The following LDB2 variants were observed in gnomAD, a reference collection of about 807,000 sequenced individuals.
LDB2 encodes LIM domain-binding protein 2.
A neutral mutation model predicts 44.3 loss-of-function variants in LDB2; 12 were observed. The ratio of observed to expected loss-of-function variants is 0.27; its 90% CI spans 0.17 to 0.44. The LOEUF is 0.44. Among genes scored for constraint, LDB2 ranks in the 20% least tolerant of loss-of-function variants. The probability of loss-of-function intolerance (pLI) is 1.00; values close to 1 mark genes in which losing one functional copy is unlikely to be tolerated. For synonymous variants in LDB2, 164 were observed against 174.8 expected (o/e 0.94, Z 0.49); for missense variants, 344 against 473.5 (o/e 0.73, Z 2.54).
intron 1 of LDB2, among the ~76,000 whole-genome samples, chr4:16,827,101 C>CT (rs1489927350): frequency 6.6e-6 from 1 of 152,194 alleles, no homozygotes; most frequent in Admixed American, 6.5e-5. Context: ...TCCTGCCACA[C>CT]TTAAAGGAGT....
chr4:16,679,066 T>C (rs2152565870), intron 2 of LDB2, among the ~76,000 whole-genome samples: 1 of 152,352 alleles, frequency 6.6e-6, no homozygotes, highest in East Asian at 1.9e-4. Context: ...ACTGAGACTA[T>C]GTAAAATATG....
At chr4:16,672,160 T>C (rs1744946415) in intron 2 of LDB2, among the ~76,000 whole-genome samples, 1 of 152,196 alleles carries the variant, frequency 6.6e-6, no homozygotes, top group Non-Finnish European at 1.5e-5. Context: ...GGTATGACTG[T>C]CATCCCCATT....
chr4:16,783,837 T>C (rs1416926958), intron 1 of LDB2, among the ~76,000 whole-genome samples: 1 of 152,286 alleles, frequency 6.6e-6, no homozygotes, highest in African/African-American at 2.4e-5. Flanking sequence ...GGTTTCCTTT[T>C]CCCCCCTTTT....
chr4:16,573,272 C>T (rs891548132), intron 5 of LDB2, among the ~76,000 whole-genome samples: 2 of 152,128 alleles, frequency 1.3e-5, no homozygotes, highest in Non-Finnish European at 2.9e-5. Context: ...TTGGGGACAA[C>T]GGAGCTGGTT....
chr4:16,555,285 T>C (rs1560458659), intron 5 of LDB2, among the ~76,000 whole-genome samples: 2 of 152,172 alleles, frequency 1.3e-5, no homozygotes, highest in Non-Finnish European at 2.9e-5. Flanking sequence ...AAACCAAAAA[T>C]ACAAGTTTAT....
intron 2 of LDB2, among the ~76,000 whole-genome samples, chr4:16,681,841 G>A (rs1748026840): frequency 6.6e-6 from 1 of 151,912 alleles, no homozygotes; most frequent in African/African-American, 2.4e-5. Flanking sequence ...AAAGTGCTGG[G>A]ATTACAGGCG....
chr4:16,825,054 T>C (rs1326431257), intron 1 of LDB2, among the ~76,000 whole-genome samples: 1 of 152,154 alleles, frequency 6.6e-6, no homozygotes, highest in Admixed American at 6.5e-5. Context: ...AGATACTGCC[T>C]AGGAAATCTG....
rs1175280200 is a variant in LDB2, at chr4:16,533,333, A to G, written c.616-21229T>C. ...ATCCCACTTCTAAAGTTAAAAAACC[A>G]TTCATGTCTGCAAAAATGGAAATAA... On this transcript the variant is annotated intron_variant, in intron 5 of 7. Coordinates refer to ENST00000304523, the MANE Select transcript of LDB2 (RefSeq NM_001290.5). The surrounding 1 kb of genome is among the most constrained non-coding windows in gnomAD (Gnocchi z 4.1). Among the ~76,000 whole-genome samples, 1 of 152,196 alleles carries G rather than the reference A, an allele frequency of 6.6e-6. No individual in the cohort carries two copies. Among genetic ancestry groups the G allele is most frequent in the Non-Finnish European group, 1.5e-5 (1 of 68,034 alleles).
intron 1 of LDB2, among the ~76,000 whole-genome samples, chr4:16,862,933 C>G (rs1447995234): frequency 6.6e-6 from 1 of 152,034 alleles, no homozygotes; most frequent in East Asian, 1.9e-4. Context: ...AGGAAGAGGA[C>G]GAGGAAAGGA....
chr4:16,885,671 A>AATTGTGCTTT (rs1203372301), intron 1 of LDB2, among the ~76,000 whole-genome samples: 1 of 152,058 alleles, frequency 6.6e-6, no homozygotes, highest in Non-Finnish European at 1.5e-5. Context: ...TCCCAGTATG[A>AATTGTGCTTT]ATTGTGCTAA....
chr4:16,891,304 C>CTTTT (rs559119712), intron 1 of LDB2, among the ~76,000 whole-genome samples: 7 of 77,548 alleles, frequency 9.0e-5, no homozygotes, highest in East Asian at 4.1e-4. Flanking sequence ...CTTAAGTATT[C>CTTTT]TTTTTTTTTT....
chr4:16,703,588 A>G (rs1177589929), intron 2 of LDB2, among the ~76,000 whole-genome samples: 1 of 152,200 alleles, frequency 6.6e-6, no homozygotes, highest in Non-Finnish European at 1.5e-5. Flanking sequence ...CACTCTGATC[A>G]TTATCTTTTT....
At chr4:16,652,727 G>A (rs1462145533) in intron 2 of LDB2, among the ~76,000 whole-genome samples, 2 of 152,142 alleles carry the variant, frequency 1.3e-5, no homozygotes. Context: ...GTGTGAAGCC[G>A]CAAGCCTCAG....
rs530124652 is a variant in LDB2, at chr4:16,846,502, T to A, written c.132+51852A>T. ...CTAAAAATTCTATCTATATATTTTT[T>A]ATGGCCTGAATGCATGGAAATCAGA... On this transcript the variant is annotated intron_variant, in intron 1 of 7. Coordinates refer to ENST00000304523, the MANE Select transcript of LDB2 (RefSeq NM_001290.5). 5.3e-5 allele frequency among the ~76,000 whole-genome samples: 8 copies of A among 152,352 alleles called. No individual in the cohort carries two copies. The South Asian group carries it at 1.4e-3, about 28-fold the overall frequency.
At chr4:16,662,033 C>A (rs1037437716) in intron 2 of LDB2, among the ~76,000 whole-genome samples, 1 of 152,126 alleles carries the variant, frequency 6.6e-6, no homozygotes, top group African/African-American at 2.4e-5. Flanking sequence ...ATGTCTTTTC[C>A]CTTTCTATAG....
chr4:16,502,439 GA>G lies in LDB2; in HGVS notation c.*203del. 1.4e-6 allele frequency: 1 copy of G among 691,054 alleles called. No homozygotes were observed. Among genetic ancestry groups the G allele is most frequent in the African/African-American group, 1.8e-5 (1 of 55,648 alleles). The allele number at this position is 691,054 out of a possible 1,614,324, so 42.8% of individuals were successfully genotyped here. A position where few individuals can be genotyped will look rare whatever the true frequency, so the allele number is the denominator to read the frequency against. Reference sequence around the variant, plus strand: ...CTGTATTACCTGTGAAGGCCTCCAAGAAAGGGTCATGGAAGCTTACTGGGAA... The same window carrying G: ...CTGTATTACCTGTGAAGGCCTCCAAGAAGGGTCATGGAAGCTTACTGGGAA... On this transcript the variant is annotated 3_prime_UTR_variant, in exon 8 of 8. Coordinates refer to ENST00000304523, the MANE Select transcript of LDB2 (RefSeq NM_001290.5).
At chr4:16,839,817 G>A (rs1785535730) in intron 1 of LDB2, among the ~76,000 whole-genome samples, 1 of 152,118 alleles carries the variant, frequency 6.6e-6, no homozygotes, top group Admixed American at 6.5e-5. Flanking sequence ...TAAGCTATGA[G>A]GAAATTATAG....
intron 5 of LDB2, among the ~76,000 whole-genome samples, chr4:16,538,763 C>G (rs111314681): frequency 0.01 from 1,552 of 152,284 alleles, 39 homozygotes; most frequent in African/African-American, 0.035. Flanking sequence ...CCTTCATTCA[C>G]CAAATATTTG....
chr4:16,635,616 T>A (rs145621130), intron 2 of LDB2, among the ~76,000 whole-genome samples: 2 of 152,234 alleles, frequency 1.3e-5, no homozygotes, highest in East Asian at 3.9e-4. Flanking sequence ...ATGTTTTGTC[T>A]ATAGCAAACC....
Sources: gnomAD v4.1 joint callset for allele counts (sites outside exome capture counted in the v4.1 genomes callset) on GRCh38, gnomAD v4.1.1 for gene constraint, Gnocchi (gnomAD v3.1) non-coding constraint, MANE v1.5 for transcripts, NCBI Gene and HGNC (gene_info 2026-07-23, HGNC 2026-07-21) for gene names.